The following SLC45A1 variants were observed in gnomAD, a reference collection of about 807,000 sequenced individuals.
SLC45A1 encodes the protein solute carrier family 45 member 1.
A neutral mutation model predicts 57.6 loss-of-function variants in SLC45A1; 28 were observed. That is an observed-to-expected ratio of 0.49 (90% CI 0.36 to 0.67). The LOEUF (loss-of-function observed/expected upper bound fraction) is 0.67. Ranked by LOEUF, SLC45A1 falls within the 30% of genes least tolerant of loss-of-function variation. The pLI is 0.00. For missense variants in SLC45A1, 814 were observed against 1,041.5 expected (o/e 0.78, Z 3.01); for synonymous variants, 459 against 471.5 (o/e 0.97, Z 0.34).
At chr1:8,324,916 C>A (rs958013997) in intron 2 of SLC45A1, among the ~76,000 whole-genome samples, 190 bp downstream of exon 2, 5 of 152,152 alleles carry the variant, frequency 3.3e-5, no homozygotes, top group African/African-American at 1.2e-4. Context: ...CGAAAGCAGA[C>A]AATAGAACAG....
chr1:8,323,633 C>T (rs938399796), intron 1 of SLC45A1, among the ~76,000 whole-genome samples: 3 of 151,722 alleles, frequency 2.0e-5, no homozygotes, highest in Non-Finnish European at 4.4e-5. Flanking sequence ...AAAGCATTTT[C>T]GAACACTGTC....
intron 1 of SLC45A1, among the ~76,000 whole-genome samples, chr1:8,319,937 C>T (rs563733168): frequency 1.5e-4 from 23 of 152,196 alleles, no homozygotes; most frequent in Admixed American, 4.6e-4. Flanking sequence ...AGGCTGGTCT[C>T]GAACTCCTGA....
chr1:8,322,113 T>G (rs1404386891), intron 1 of SLC45A1, among the ~76,000 whole-genome samples: 53 of 39,010 alleles, frequency 1.4e-3, no homozygotes, highest in Non-Finnish European at 1.6e-3. Flanking sequence ...GTGGGTGAAT[T>G]GGTGACTGAG....
Position 8,337,937 on chromosome 1 carries a change from G to T in SLC45A1, c.1719G>T (p.Val573=). 6.2e-7 allele frequency: 1 copy of T among 1,614,166 alleles called. No homozygotes were observed. The highest frequency in any genetic ancestry group is 1.1e-5 in the South Asian group (1 of 91,076). ...CGTATCAGAAGTACAACAGCGGCGT[G>T]ACCATGGGCTGCTGGGGCATGTGTA... ...SEAYQKYNSG[V]TMGCWGMCIY... is the part of the protein sequence containing the mutation. The change falls in exon 7 of 9, where the codon GTG becomes GTT. Residue 573 remains valine, a synonymous_variant. Transcript: ENST00000471889.
chr1:8,339,819 C>A, intron 8 of SLC45A1, 121 bp downstream of exon 8: 2 of 966,236 alleles, frequency 2.1e-6, no homozygotes, highest in Non-Finnish European at 3.2e-6. Context: ...AGACAGCGAC[C>A]ACAGAGCATG....
chr1:8,321,308 G>A (rs1451340553), intron 1 of SLC45A1, among the ~76,000 whole-genome samples: 1 of 152,146 alleles, frequency 6.6e-6, no homozygotes, highest in Non-Finnish European at 1.5e-5. Flanking sequence ...GGAAAGCGTG[G>A]TATTTTCCAA....
At position 8,343,045 on chromosome 1, in the gene SLC45A1, C is replaced by G. The variant is rs955389661; in HGVS notation, c.1981-702C>G. Among the ~76,000 whole-genome samples the G allele has an allele frequency of 1.3e-5, 2 of 152,220 alleles. No individual in the cohort carries two copies. Among genetic ancestry groups the G allele is most frequent in the African/African-American group, 2.4e-5 (1 of 41,458 alleles). On this transcript the variant is annotated intron_variant, in intron 8 of 8. Coordinates refer to ENST00000471889, the MANE Select transcript of SLC45A1 (RefSeq NM_001080397.3). The surrounding 1 kb of genome is among the most constrained non-coding windows in gnomAD (Gnocchi z 7.7). ...TTGTTTTAGGGAGTTTGGAGTCTGA[C>G]AAGTTCAGCTGGGCTGGCCCTGAGC...
intron 6 of SLC45A1, among the ~76,000 whole-genome samples, chr1:8,336,455 A>G (rs1640615052): frequency 6.6e-6 from 1 of 152,026 alleles, no homozygotes; most frequent in South Asian, 2.1e-4. Flanking sequence ...GCTCTCATAC[A>G]TTGTGGGACA....
intron 5 of SLC45A1, among the ~76,000 whole-genome samples, chr1:8,332,529 T>C (rs937071404): frequency 6.7e-6 from 1 of 149,454 alleles, no homozygotes; most frequent in Non-Finnish European, 1.5e-5. Flanking sequence ...TTTTTTTTTT[T>C]GAGACAGAGT....
At chr1:8,334,381 G>A (rs531364874) in intron 5 of SLC45A1, among the ~76,000 whole-genome samples, 1 of 152,298 alleles carries the variant, frequency 6.6e-6, no homozygotes, top group East Asian at 1.9e-4. Flanking sequence ...TATCCAGGGC[G>A]GACCGCACCA....
intron 6 of SLC45A1, among the ~76,000 whole-genome samples, chr1:8,336,647 T>C (rs966613130): frequency 6.6e-6 from 1 of 152,092 alleles, no homozygotes; most frequent in Non-Finnish European, 1.5e-5. Flanking sequence ...CAGACTGCGA[T>C]TGGGGGATAG....
chr1:8,339,414 C>T (rs895969432), intron 7 of SLC45A1, 79 bp from the exon 8 acceptor site: 34 of 1,440,580 alleles, frequency 2.4e-5, no homozygotes, highest in African/African-American at 1.4e-4. Context: ...TCAGGTCAGC[C>T]GCCGGGAGGT....
rs374229260 is a variant in SLC45A1 at position 8,335,600 on chromosome 1, C to T, written c.1597+10C>T. On this transcript the variant is annotated intron_variant, in intron 6 of 8. Transcript: ENST00000471889. The surrounding 1 kb of genome is among the most constrained non-coding windows in gnomAD (Gnocchi z 4.1). ...GTCAACCACTTCCTGGGTGAGCTCC[C>T]GGCCAAGCCTCCCCGTGAGTCCTGG... The T allele has an allele frequency of 2.9e-5, 46 of 1,592,190 alleles. No homozygotes were observed. Among genetic ancestry groups the T allele is most frequent in the South Asian group, 2.4e-4 (21 of 88,922 alleles).
Position 8,325,921 on chromosome 1 carries a change from C to T in SLC45A1, c.594C>T (p.Cys198=), listed in dbSNP as rs758097334. Residue 198 remains cysteine (C), a synonymous_variant, in exon 4 of 9, where the codon TGC becomes TGT. Transcript: ENST00000471889. This position sits in a 1 kb window ranked among gnomAD's most constrained non-coding sequence, Gnocchi z 6.3. ...NHKWGLLLTV[C]GVVLMDFSAD... ...AGTGGGGCCTGCTGCTGACCGTGTG[C>T]GGTGTGGTGCTGATGGACTTTAGCG... The T allele has an allele frequency of 1.4e-5, 22 of 1,613,870 alleles. No individual in the cohort carries two copies. The highest frequency in any genetic ancestry group is 2.7e-5 in the African/African-American group (2 of 74,934).
At chr1:8,339,082 G>A (rs187322812) in intron 7 of SLC45A1, among the ~76,000 whole-genome samples, 82 of 152,356 alleles carry the variant, frequency 5.4e-4, no homozygotes, top group Middle Eastern at 3.4e-3. Context: ...TCTTGGGGGT[G>A]TAAAGATGGT....
chr1:8,334,768 C>G (rs1640553195), intron 5 of SLC45A1, among the ~76,000 whole-genome samples: 1 of 152,110 alleles, frequency 6.6e-6, no homozygotes, highest in Non-Finnish European at 1.5e-5. Flanking sequence ...TACCCCAAAC[C>G]CAAGCAGGGC....
rs185825424 is a variant in SLC45A1 at position 8,341,173 on chromosome 1, C to T, written c.1980+1475C>T. Among the ~76,000 whole-genome samples the T allele has an allele frequency of 3.5e-3, 506 of 146,520 alleles. 3 individuals are homozygous for T. Among genetic ancestry groups the T allele is most frequent in the Non-Finnish European group, 4.9e-3 (330 of 67,052 alleles). ...CGAGATGGTGCCACCGCACTCCAGC[C>T]TGGGCGACAGAGCAAGACTCCGTTT... On this transcript the variant is annotated intron_variant, in intron 8 of 8. Transcript: ENST00000471889.
chr1:8,325,679 C>A lies in SLC45A1; in HGVS notation c.491-139C>A. The A allele has an allele frequency of 4.0e-6, 3 of 746,970 alleles. No homozygotes were observed. The highest frequency in any genetic ancestry group is 6.4e-6 in the Non-Finnish European group (3 of 466,792). 46.3% of individuals were successfully genotyped at this position (746,970 alleles called of 1,614,324 possible). ...GCAAAATATATGGTGAGTTTGCAGG[C>A]GGCTTTTCCACCGGGCTGTGCTTGA... On this transcript the variant is annotated intron_variant, in intron 3 of 8. Coordinates refer to ENST00000471889, the MANE Select transcript of SLC45A1 (RefSeq NM_001080397.3). This position sits in a 1 kb window ranked among gnomAD's most constrained non-coding sequence, Gnocchi z 6.3.
At chr1:8,319,134 G>T (rs1010446519) in intron 1 of SLC45A1, among the ~76,000 whole-genome samples, 4 of 152,204 alleles carry the variant, frequency 2.6e-5, no homozygotes, top group Non-Finnish European at 5.9e-5. Context: ...TACAAAATTA[G>T]CCGGGCGTGG....
Sources: gnomAD v4.1 joint callset for allele counts (sites outside exome capture counted in the v4.1 genomes callset) on GRCh38, gnomAD v4.1.1 for gene constraint, Gnocchi (gnomAD v3.1) non-coding constraint, MANE v1.5 for transcripts, NCBI Gene and HGNC (gene_info 2026-07-23, HGNC 2026-07-21) for gene names.